The following ROR1 variants were observed in gnomAD, a reference collection of about 807,000 sequenced individuals.
The protein encoded by ROR1 is inactive tyrosine-protein kinase transmembrane receptor ROR1.
In ROR1, 19 loss-of-function variants were observed where a neutral mutation model predicts 78.8. The ratio of observed to expected loss-of-function variants is 0.24; its 90% CI spans 0.17 to 0.35. The LOEUF (loss-of-function observed/expected upper bound fraction) is 0.35, where lower values mean the gene tolerates loss of function less well. Ranked by LOEUF, ROR1 falls within the 10% of genes least tolerant of loss-of-function variation. The pLI, the probability that ROR1 is intolerant of heterozygous loss-of-function variation, is 1.00. For synonymous variants in ROR1, 386 were observed against 433.6 expected, an observed-to-expected ratio of 0.89 and a Z score of 1.36; for missense variants, 917 against 1,177.8, an observed-to-expected ratio of 0.78 and a Z score of 3.24.
chr1:63,846,715 G>A (rs1448763876), intron 1 of ROR1, among the ~76,000 whole-genome samples: 1 of 152,202 alleles, frequency 6.6e-6, no homozygotes, highest in Non-Finnish European at 1.5e-5. Context: ...TGAGGGAACT[G>A]AGGCAATAGA....
chr1:63,960,523 G>A (rs1013059807), intron 1 of ROR1, among the ~76,000 whole-genome samples: 3 of 152,168 alleles, frequency 2.0e-5, no homozygotes, highest in Non-Finnish European at 4.4e-5. Flanking sequence ...CACTAATCCT[G>A]TTTGAATCCT....
At chr1:64,134,879 G>A (rs1362129497) in intron 4 of ROR1, among the ~76,000 whole-genome samples, 1 of 151,402 alleles carries the variant, frequency 6.6e-6, no homozygotes, top group African/African-American at 2.4e-5. Context: ...CCCCTGACTA[G>A]CTGGGATTAC....
chr1:64,068,950 T>C (rs1646979645), intron 4 of ROR1, among the ~76,000 whole-genome samples: 1 of 152,198 alleles, frequency 6.6e-6, no homozygotes, highest in Non-Finnish European at 1.5e-5. Flanking sequence ...TTTTTCAAAA[T>C]TTTAATCAAT....
intron 1 of ROR1, among the ~76,000 whole-genome samples, chr1:63,816,521 C>T (rs1454743933): frequency 6.6e-6 from 1 of 152,134 alleles, no homozygotes; most frequent in Non-Finnish European, 1.5e-5. Context: ...CCTCCCCAGC[C>T]ATTTGGCATT....
intron 1 of ROR1, among the ~76,000 whole-genome samples, chr1:63,926,336 G>A (rs974703186): frequency 1.1e-4 from 17 of 151,712 alleles, no homozygotes; most frequent in East Asian, 9.8e-4. Context: ...GATATGTGGC[G>A]TTATTTCTGA....
At chr1:63,869,147 G>T (rs1645235565) in intron 1 of ROR1, among the ~76,000 whole-genome samples, 1 of 152,172 alleles carries the variant, frequency 6.6e-6, no homozygotes, top group Non-Finnish European at 1.5e-5. Context: ...GAAGGTATCT[G>T]GTTCCCAAGT....
chr1:63,786,805 A>G (rs1250826047), intron 1 of ROR1, among the ~76,000 whole-genome samples: 2 of 152,042 alleles, frequency 1.3e-5, no homozygotes, highest in Non-Finnish European at 2.9e-5. Context: ...ATGGGAGGGA[A>G]GGAAAGGAGG....
chr1:63,983,177 A>T (rs1355571649), intron 1 of ROR1, among the ~76,000 whole-genome samples: 1 of 152,194 alleles, frequency 6.6e-6, no homozygotes, highest in East Asian at 1.9e-4. Flanking sequence ...AATCATCATA[A>T]CAACTCTCAG....
At chr1:64,174,297 A>G (rs538695076) in intron 8 of ROR1, among the ~76,000 whole-genome samples, 2 of 152,360 alleles carry the variant, frequency 1.3e-5, no homozygotes, top group South Asian at 2.1e-4. Context: ...TATAAGACCT[A>G]TGCCACAGGA....
chr1:64,099,778 C>T (rs561410713), intron 4 of ROR1, among the ~76,000 whole-genome samples: 36 of 152,166 alleles, frequency 2.4e-4, no homozygotes, highest in Non-Finnish European at 1.3e-4. Context: ...TCAAATAGGC[C>T]GGGTGCAGTG....
chr1:64,130,360 T>G (rs1648870313), intron 4 of ROR1, among the ~76,000 whole-genome samples: 1 of 152,128 alleles, frequency 6.6e-6, no homozygotes, highest in Non-Finnish European at 1.5e-5. Context: ...AGACCGGTCT[T>G]TAGAAAGCAG....
At chr1:63,794,381 G>A (rs1450698879) in intron 1 of ROR1, among the ~76,000 whole-genome samples, 2 of 152,154 alleles carry the variant, frequency 1.3e-5, no homozygotes, top group Admixed American at 6.5e-5. Context: ...TGAGGAACCC[G>A]AGGCCCACCC....
chr1:64,147,843 G>A (rs544952478), intron 7 of ROR1, among the ~76,000 whole-genome samples: 1 of 152,190 alleles, frequency 6.6e-6, no homozygotes, highest in Non-Finnish European at 1.5e-5. Flanking sequence ...TCAACCAGGG[G>A]CAATTTCATC....
At chr1:63,857,503 A>T (rs1645156332) in intron 1 of ROR1, among the ~76,000 whole-genome samples, 1 of 152,124 alleles carries the variant, frequency 6.6e-6, no homozygotes, top group Admixed American at 6.5e-5. Flanking sequence ...TCCATGTTGG[A>T]TGTACTTAGA....
intron 4 of ROR1, among the ~76,000 whole-genome samples, chr1:64,084,096 G>A (rs1186748362): frequency 2.6e-5 from 4 of 152,136 alleles, no homozygotes; most frequent in Admixed American, 6.5e-5. Flanking sequence ...CTGGCTTTAC[G>A]CAGTCCACTT....
chr1:63,841,400 G>T (rs981226724), intron 1 of ROR1, among the ~76,000 whole-genome samples: 2 of 152,144 alleles, frequency 1.3e-5, no homozygotes, highest in Non-Finnish European at 2.9e-5. Flanking sequence ...TAAGTTTTTT[G>T]TTATGTTGAA....
At chr1:63,840,914 G>A (rs1033255988) in intron 1 of ROR1, among the ~76,000 whole-genome samples, 6 of 152,150 alleles carry the variant, frequency 3.9e-5, no homozygotes, top group African/African-American at 1.2e-4. Context: ...AAAACACAGT[G>A]TTAACTACTA....
intron 1 of ROR1, among the ~76,000 whole-genome samples, chr1:63,954,561 G>T (rs1322726427): frequency 6.6e-6 from 1 of 152,122 alleles, no homozygotes; most frequent in African/African-American, 2.4e-5. Context: ...CAGAAGTATG[G>T]TCTGCCCTCA....
At chr1:63,811,544 T>G (rs1644860036) in intron 1 of ROR1, among the ~76,000 whole-genome samples, 2 of 152,160 alleles carry the variant, frequency 1.3e-5, no homozygotes, top group South Asian at 4.1e-4. Flanking sequence ...TAGTAGACCT[T>G]ATAGGGAAAC....
Sources: allele counts gnomAD v4.1 joint callset (sites outside exome capture counted in the v4.1 genomes callset), GRCh38; gene constraint gnomAD v4.1.1; transcripts MANE v1.5; gene names NCBI Gene and HGNC (gene_info 2026-07-23, HGNC 2026-07-21).